MAML1: variants seen among roughly 807,000 people sequenced by gnomAD.
MAML1 encodes mastermind-like protein 1.
Under a neutral mutation model 77.1 loss-of-function variants are expected in MAML1, and 14 were observed. The observed-to-expected ratio is 0.18, with a 90% CI of 0.12 to 0.28. MAML1 has a LOEUF of 0.28. MAML1 is among the 10% of genes least tolerant of loss of function. The pLI is 1.00. For synonymous variants in MAML1, 516 were observed against 551.9 expected (o/e 0.93, Z 0.91); for missense variants, 1,217 against 1,327.8 (o/e 0.92, Z 1.30).
Position 179,777,065 on chromosome 5 carries a change from T to A in MAML1, c.*2188T>A. Reference sequence around the variant, plus strand: ...GTATATTTTTTACTTTTATAGATTTTAAAACTATGATCCTTTATATGTGTG... The same window carrying A: ...GTATATTTTTTACTTTTATAGATTTAAAAACTATGATCCTTTATATGTGTG... On this transcript the variant is annotated 3_prime_UTR_variant, in exon 5 of 5. Coordinates refer to ENST00000292599, the MANE Select transcript of MAML1 (RefSeq NM_014757.5). 1.0e-6 allele frequency: 1 copy of A among 984,208 alleles called. No homozygotes were observed. 61.0% of individuals were successfully genotyped at this position (984,208 alleles called of 1,614,324 possible).
At chr5:179,752,932 C>T (rs951871151) in intron 1 of MAML1, among the ~76,000 whole-genome samples, 4 of 152,114 alleles carry the variant, frequency 2.6e-5, no homozygotes, top group Non-Finnish European at 5.9e-5. Flanking sequence ...CGCCATCATG[C>T]CCAGCTAATT....
At position 179,755,127 on chromosome 5, in the gene MAML1, C is replaced by T. The variant is rs191667088; in HGVS notation, c.316-10199C>T. 5.9e-5 allele frequency among the ~76,000 whole-genome samples: 9 copies of T among 152,322 alleles called. No individual in the cohort carries two copies. In the East Asian group the frequency reaches 1.2e-3, roughly 20 times the overall value. On this transcript the variant is annotated intron_variant, in intron 1 of 4. Transcript: ENST00000292599. ...CAAATCCTGGTTCAGCAGTCACACTCACATTCCAAGTTGTATAACTTCTCC... is the reference window on the plus strand; with the variant it reads ...CAAATCCTGGTTCAGCAGTCACACTTACATTCCAAGTTGTATAACTTCTCC...
intron 1 of MAML1, among the ~76,000 whole-genome samples, chr5:179,759,543 A>G (rs748131177): frequency 3.9e-5 from 6 of 152,232 alleles, no homozygotes; most frequent in Non-Finnish European, 7.3e-5. Context: ...ACAAGTTGCT[A>G]CTTGACATGG....
At chr5:179,760,908 A>G (rs370484943) in intron 1 of MAML1, among the ~76,000 whole-genome samples, 8 of 151,854 alleles carry the variant, frequency 5.3e-5, no homozygotes, top group South Asian at 2.1e-4. Flanking sequence ...TGGCTAACAC[A>G]GTGAAACCCC....
chr5:179,734,997 A>G (rs1009248383), intron 1 of MAML1, among the ~76,000 whole-genome samples: 3 of 152,180 alleles, frequency 2.0e-5, no homozygotes, highest in Admixed American at 2.0e-4. Flanking sequence ...TCTTTTAAGA[A>G]TAAAAAGAAA....
intron 1 of MAML1, among the ~76,000 whole-genome samples, chr5:179,734,840 A>G (rs1779135233): frequency 6.6e-6 from 1 of 152,176 alleles, no homozygotes; most frequent in Admixed American, 6.5e-5. Context: ...AAATAAAAAA[A>G]GTTTTTTTTC....
At position 179,766,566 on chromosome 5, in the gene MAML1, C is replaced by T; in HGVS notation, c.1556C>T (p.Ser519Phe). The change falls in exon 2 of 5, where the codon TCT becomes TTT. Residue 519 changes from serine (S) to phenylalanine (F), a missense_variant. By Grantham distance (155) the Ser-to-Phe change is radical (BLOSUM62 -2). Coordinates refer to ENST00000292599, the MANE Select transcript of MAML1 (RefSeq NM_014757.5). This position sits in a 1 kb window ranked among gnomAD's most constrained non-coding sequence, Gnocchi z 4.0. ...GACTACGGCAATACAAAACCCCTTTCTCATTACAAAGCGGACTGTGGGCAA... is the reference window on the plus strand; with the variant it reads ...GACTACGGCAATACAAAACCCCTTTTTCATTACAAAGCGGACTGTGGGCAA... Reference protein sequence around the residue: ...VLDYGNTKPLSHYKADCGQGS... With the variant: ...VLDYGNTKPLFHYKADCGQGS... 3.1e-6 allele frequency: 5 copies of T among 1,609,356 alleles called. No individual in the cohort carries two copies. Among genetic ancestry groups the T allele is most frequent in the Non-Finnish European group, 4.2e-6 (5 of 1,176,906 alleles).
chr5:179,765,369 C>A lies in MAML1; in HGVS notation c.359C>A (p.Ser120Tyr), dbSNP rs151328555. ...TVKRNLDSAT[S>Y]PQNGDQQNGY... Reference sequence around the variant, plus strand: ...AAGAGGAATCTTGACAGCGCCACTTCCCCTCAGAATGGCGATCAACAGAAT... The same window carrying A: ...AAGAGGAATCTTGACAGCGCCACTTACCCTCAGAATGGCGATCAACAGAAT... Residue 120 changes from serine (S) to tyrosine (Y), a missense_variant, in exon 2 of 5, where the codon TCC (serine) becomes TAC (tyrosine). Ser to Tyr is a moderately radical substitution (Grantham distance 144, BLOSUM62 -2). Transcript: ENST00000292599. 16 of 1,610,660 alleles carry A rather than the reference C, an allele frequency of 9.9e-6. No individual in the cohort carries two copies. In the Admixed American group the frequency reaches 2.7e-4, roughly 27 times the overall value.
chr5:179,738,148 C>G (rs1479481609), intron 1 of MAML1, among the ~76,000 whole-genome samples: 1 of 152,094 alleles, frequency 6.6e-6, no homozygotes, highest in Admixed American at 6.6e-5. Context: ...CTAGATTTAC[C>G]TGTTGTCACT....
chr5:179,774,173 C>T lies in MAML1; in HGVS notation c.2347C>T (p.Arg783Trp), dbSNP rs1159010954. 8.1e-6 allele frequency: 13 copies of T among 1,613,388 alleles called. No individual in the cohort carries two copies. The highest frequency in any genetic ancestry group is 3.3e-4 in the Middle Eastern group (2 of 6,084). Residue 783 changes from arginine to tryptophan, a missense_variant, in exon 5 of 5, where the codon CGG becomes TGG. Around this residue, in one of 3 missense-constraint regions of MAML1, gnomAD observed 884 missense variants for 949.3 expected, o/e 0.93. Coordinates refer to ENST00000292599, the MANE Select transcript of MAML1 (RefSeq NM_014757.5). ...QATNGHAHIP[R>W]QTNVGQNTSV... ...CACCAATGGACATGCCCACATTCCACGGCAGACCAACGTGGGCCAGAACAC... is the reference window on the plus strand; with the variant it reads ...CACCAATGGACATGCCCACATTCCATGGCAGACCAACGTGGGCCAGAACAC...
intron 1 of MAML1, among the ~76,000 whole-genome samples, chr5:179,744,562 A>T (rs1310751498): frequency 6.7e-6 from 1 of 148,424 alleles, no homozygotes; most frequent in Non-Finnish European, 1.5e-5. Flanking sequence ...TTTTAGACGG[A>T]GTCTCACTCT....
chr5:179,742,530 C>G (rs781648828), intron 1 of MAML1, among the ~76,000 whole-genome samples: 4 of 150,386 alleles, frequency 2.7e-5, no homozygotes, highest in Non-Finnish European at 5.9e-5. Flanking sequence ...TTGCCACATT[C>G]AGTGTCTGAC....
Position 179,765,982 on chromosome 5 carries a change from G to C in MAML1, c.972G>C (p.Gln324His). 6.2e-7 allele frequency: 1 copy of C among 1,611,854 alleles called. No individual in the cohort carries two copies. ...AAGTGAGGGCCGGGTCTGCAGGGCA[G>C]ACCTTTCTGGGGCCTTCCTCTGCCC... ...SPQVRAGSAGQTFLGPSSAPV... is the reference protein window; with the variant it reads ...SPQVRAGSAGHTFLGPSSAPV... Residue 324 changes from glutamine (Q) to histidine (H), a missense_variant, in exon 2 of 5, where the codon CAG becomes CAC. Physicochemically the swap from Gln to His is conservative, Grantham distance 24 (BLOSUM62 0). Coordinates refer to ENST00000292599, the MANE Select transcript of MAML1 (RefSeq NM_014757.5).
intron 2 of MAML1, among the ~76,000 whole-genome samples, chr5:179,767,980 G>A (rs1266629660): frequency 6.6e-6 from 1 of 152,224 alleles, no homozygotes; most frequent in Non-Finnish European, 1.5e-5. Context: ...GAGAATATCT[G>A]TTAAAGTTCT....
At chr5:179,748,954 T>G (rs1581929916) in intron 1 of MAML1, among the ~76,000 whole-genome samples, 1 of 113,768 alleles carries the variant, frequency 8.8e-6, no homozygotes, top group South Asian at 3.6e-4. Context: ...GTTTTTGTTT[T>G]TTTTTTTTTT....
rs142835504 is a variant in MAML1 at position 179,774,466 on chromosome 5, A to G, written c.2640A>G (p.Gln880=). The G allele has an allele frequency of 5.6e-6, 9 of 1,613,268 alleles. No homozygotes were observed. The highest frequency in any genetic ancestry group is 4.5e-5 in the East Asian group (2 of 44,876). ...QQAHLKMSSP[Q]FSQAVPNRPM... ...CCCACCTGAAAATGTCTAGCCCGCAATTCTCCCAGGCAGTGCCCAACAGGC... is the reference window on the plus strand; with the variant it reads ...CCCACCTGAAAATGTCTAGCCCGCAGTTCTCCCAGGCAGTGCCCAACAGGC... The change falls in exon 5 of 5, where the codon CAA becomes CAG. Residue 880 remains glutamine (Q), a synonymous_variant. Coordinates refer to ENST00000292599, the MANE Select transcript of MAML1 (RefSeq NM_014757.5).
Position 179,766,952 on chromosome 5 carries a change from CTTGAT to C in MAML1, c.1731+213_1731+217del, listed in dbSNP as rs1180920816. Among the ~76,000 whole-genome samples the C allele has an allele frequency of 6.6e-6, 1 of 152,196 alleles. No individual in the cohort carries two copies. Among genetic ancestry groups the C allele is most frequent in the African/African-American group, 2.4e-5 (1 of 41,454 alleles). On this transcript the variant is annotated intron_variant, in intron 2 of 4. Coordinates refer to ENST00000292599, the MANE Select transcript of MAML1 (RefSeq NM_014757.5). The surrounding 1 kb of genome is among the most constrained non-coding windows in gnomAD (Gnocchi z 4.0). Reference sequence around the variant, plus strand: ...AATAGGGTAAAGTTCCCTGGCATAGCTTGATTATTAACTGCACGAAGGTTTCAGGA... The same window carrying C: ...AATAGGGTAAAGTTCCCTGGCATAGCTATTAACTGCACGAAGGTTTCAGGA...
rs913662224 is a variant in MAML1 at position 179,775,170 on chromosome 5, C to T, written c.*293C>T. On this transcript the variant is annotated 3_prime_UTR_variant, in exon 5 of 5. Coordinates refer to ENST00000292599, the MANE Select transcript of MAML1 (RefSeq NM_014757.5). ...TCTATCCAAACGACCAAAAAACCAA[C>T]AGTAACACCAGTGAAACCCCACACT... 6.2e-6 allele frequency: 7 copies of T among 1,125,136 alleles called. No homozygotes were observed. The highest frequency in any genetic ancestry group is 1.6e-5 in the African/African-American group (1 of 61,918). The allele number at this position is 1,125,136 out of a possible 1,614,324, so 69.7% of individuals were successfully genotyped here.
intron 1 of MAML1, among the ~76,000 whole-genome samples, chr5:179,734,006 A>C (rs1442383736): frequency 6.6e-6 from 1 of 152,236 alleles, no homozygotes; most frequent in Non-Finnish European, 1.5e-5. Context: ...GAACTTTGTG[A>C]ACTTGAGATT....
Sources: gnomAD v4.1 joint callset for allele counts (sites outside exome capture counted in the v4.1 genomes callset) on GRCh38, gnomAD v4.1.1 for gene constraint, gnomAD v4.1.1 regional missense constraint, Gnocchi (gnomAD v3.1) non-coding constraint, MANE v1.5 for transcripts, NCBI Gene and HGNC (gene_info 2026-07-23, HGNC 2026-07-21) for gene names.